The following ENOPH1 variants were observed in gnomAD, a reference collection of about 807,000 sequenced individuals.
ENOPH1 encodes enolase-phosphatase E1.
A neutral mutation model predicts 31.1 loss-of-function variants in ENOPH1; 14 were observed. That is an observed-to-expected ratio of 0.45 (90% CI 0.30 to 0.70). The LOEUF (loss-of-function observed/expected upper bound fraction) is 0.70, where lower values mean the gene tolerates loss of function less well. ENOPH1 is among the 30% of genes least tolerant of loss of function. The pLI is 0.09. For missense variants in ENOPH1, 243 were observed against 321.5 expected (o/e 0.76, Z 1.87); for synonymous variants, 127 against 123.2 (o/e 1.03, Z -0.21).
intron 1 of ENOPH1, among the ~76,000 whole-genome samples, chr4:82,447,382 C>G (rs1480161745): frequency 1.3e-5 from 2 of 152,106 alleles, no homozygotes; most frequent in African/African-American, 4.8e-5. Context: ...AAATACTTGT[C>G]ATGTATGGAC....
intron 2 of ENOPH1, among the ~76,000 whole-genome samples, chr4:82,449,259 T>G (rs1484915403): frequency 6.6e-6 from 1 of 152,144 alleles, no homozygotes; most frequent in Non-Finnish European, 1.5e-5. Context: ...GAGTCCTTTC[T>G]GGGTAGAATG....
At chr4:82,449,966 C>G (rs948642292) in intron 2 of ENOPH1, among the ~76,000 whole-genome samples, 1 of 152,184 alleles carries the variant, frequency 6.6e-6, no homozygotes, top group African/African-American at 2.4e-5. Context: ...AACTCCTGCT[C>G]TGTTGTTTTT....
intron 1 of ENOPH1, among the ~76,000 whole-genome samples, chr4:82,438,424 C>A (rs1469013231): frequency 6.6e-6 from 1 of 151,186 alleles, no homozygotes; most frequent in Non-Finnish European, 1.5e-5. Context: ...AAGGCCATGG[C>A]AAGGAGATTA....
intron 1 of ENOPH1, among the ~76,000 whole-genome samples, chr4:82,446,488 C>G (rs141715144): frequency 6.6e-6 from 1 of 152,002 alleles, no homozygotes; most frequent in Non-Finnish European, 1.5e-5. Context: ...TGCAATCCTC[C>G]GATGACTTTG....
intron 1 of ENOPH1, among the ~76,000 whole-genome samples, chr4:82,443,483 C>T (rs900235543): frequency 6.6e-6 from 1 of 151,688 alleles, no homozygotes; most frequent in Non-Finnish European, 1.5e-5. Flanking sequence ...AATCCCAGCA[C>T]TTTGGGAGGC....
intron 1 of ENOPH1, among the ~76,000 whole-genome samples, chr4:82,440,809 CA>C (rs1255816490): frequency 6.6e-6 from 1 of 152,222 alleles, no homozygotes; most frequent in East Asian, 1.9e-4. Flanking sequence ...ATCAGCACCA[CA>C]TTGATTAATT....
intron 3 of ENOPH1, among the ~76,000 whole-genome samples, chr4:82,453,319 A>G (rs572262080): frequency 9.9e-5 from 15 of 152,138 alleles, no homozygotes; most frequent in Non-Finnish European, 1.9e-4. Flanking sequence ...TTCTTTATTT[A>G]TGTACTTTAC....
chr4:82,443,389 A>T (rs1449615843), intron 1 of ENOPH1, among the ~76,000 whole-genome samples: 1 of 149,568 alleles, frequency 6.7e-6, no homozygotes, highest in African/African-American at 2.5e-5. Flanking sequence ...GTGAGCCAAG[A>T]TCATGCCACT....
At chr4:82,433,459 AT>A (rs1224400190) in intron 1 of ENOPH1, among the ~76,000 whole-genome samples, 1 of 152,196 alleles carries the variant, frequency 6.6e-6, no homozygotes, top group Non-Finnish European at 1.5e-5. Context: ...TTAAAGGATA[AT>A]TTCTTGTGCC....
At chr4:82,445,536 G>C (rs531673654) in intron 1 of ENOPH1, among the ~76,000 whole-genome samples, 1 of 152,262 alleles carries the variant, frequency 6.6e-6, no homozygotes, top group South Asian at 2.1e-4. Flanking sequence ...GCTCACTGCA[G>C]CCTCAGCCTC....
intron 1 of ENOPH1, among the ~76,000 whole-genome samples, chr4:82,446,660 C>A (rs1338629944): frequency 9.7e-6 from 1 of 103,096 alleles, no homozygotes; most frequent in Non-Finnish European, 1.9e-5. Context: ...TTTTGCACAT[C>A]ACTTTTTTTT....
At chr4:82,451,439 C>T (rs1321815290) in intron 3 of ENOPH1, among the ~76,000 whole-genome samples, 194 bp downstream of exon 3, 3 of 152,142 alleles carry the variant, frequency 2.0e-5, no homozygotes, top group African/African-American at 4.8e-5. Flanking sequence ...CTAGATTACC[C>T]GGACCTGCCA....
intron 5 of ENOPH1, among the ~76,000 whole-genome samples, chr4:82,459,561 G>T (rs79650913): frequency 1.6e-4 from 24 of 151,994 alleles, no homozygotes; most frequent in Non-Finnish European, 3.2e-4. Context: ...TGGGTCCACC[G>T]TGCCCAGCCC....
intron 1 of ENOPH1, among the ~76,000 whole-genome samples, chr4:82,445,910 A>G (rs1489876738): frequency 6.6e-6 from 1 of 152,202 alleles, no homozygotes; most frequent in Non-Finnish European, 1.5e-5. Context: ...CGAACATTCA[A>G]TATTGTTTGA....
chr4:82,451,652 G>A (rs1314312494), intron 3 of ENOPH1, among the ~76,000 whole-genome samples: 1 of 152,194 alleles, frequency 6.6e-6, no homozygotes, highest in Non-Finnish European at 1.5e-5. Flanking sequence ...CCGTGTTGAG[G>A]TTACTCAGAG....
rs570208897 is a variant in ENOPH1 at position 82,447,940 on chromosome 4, C to A, written c.105C>A (p.Ile35=). The A allele has an allele frequency of 3.7e-6, 6 of 1,606,320 alleles. No individual in the cohort carries two copies. The East Asian group carries it at 6.7e-5, about 18-fold the overall frequency. The change falls in exon 2 of 6, where the codon ATC becomes ATA. Residue 35 remains isoleucine (I), a synonymous_variant. Coordinates refer to ENST00000273920, the MANE Select transcript of ENOPH1 (RefSeq NM_021204.5). ...AFVKDILFPY[I]EENVKEYLQT... is the part of the protein sequence containing the mutation. Reference sequence around the variant, plus strand: ...TCCAGGACATTTTATTTCCTTACATCGAAGAAAATGTTAAAGAGTATCTGC... The same window carrying A: ...TCCAGGACATTTTATTTCCTTACATAGAAGAAAATGTTAAAGAGTATCTGC...
At chr4:82,448,235 T>G (rs1457579290) in intron 2 of ENOPH1, among the ~76,000 whole-genome samples, 3 of 150,360 alleles carry the variant, frequency 2.0e-5, no homozygotes, top group Non-Finnish European at 3.0e-5. Context: ...GCTCTTTGGT[T>G]GTTTTTTTTT....
Position 82,430,771 on chromosome 4 carries a change from C to G in ENOPH1, c.-59C>G, listed in dbSNP as rs181320957. On this transcript the variant is annotated 5_prime_UTR_variant, in exon 1 of 6. Coordinates refer to ENST00000273920, the MANE Select transcript of ENOPH1 (RefSeq NM_021204.5). ...CGGTACCGGGGGCCGCAGCCGCAGC[C>G]GGCGCCGCCCTCCGCCCTCCCCAAC... 295 of 1,537,964 alleles carry G rather than the reference C, an allele frequency of 1.9e-4. 1 individual carries two copies. In the African/African-American group the frequency reaches 3.6e-3, roughly 19 times the overall value.
intron 5 of ENOPH1, 122 bp from the exon 6 acceptor site, chr4:82,459,859 G>A: frequency 9.7e-7 from 1 of 1,028,978 alleles, no homozygotes; most frequent in Admixed American, 2.1e-5. Context: ...AGCTTCAACA[G>A]TCATCAAATC....
Sources: allele counts gnomAD v4.1 joint callset (sites outside exome capture counted in the v4.1 genomes callset), GRCh38; gene constraint gnomAD v4.1.1; transcripts MANE v1.5; gene names NCBI Gene and HGNC (gene_info 2026-07-23, HGNC 2026-07-21).